The following KALRN variants were observed in gnomAD, a reference collection of about 807,000 sequenced individuals.
KALRN encodes the protein kalirin.
KALRN carries 70 observed loss-of-function variants against 353.7 expected under a neutral mutation model. The ratio of observed to expected loss-of-function variants is 0.20; its 90% CI spans 0.16 to 0.24. The LOEUF is 0.24. KALRN is among the 10% of genes least tolerant of loss of function. The probability of loss-of-function intolerance (pLI) is 1.00; values close to 1 mark genes in which losing one functional copy is unlikely to be tolerated. For synonymous variants in KALRN, 1,391 were observed against 1,434.8 expected, an observed-to-expected ratio of 0.97 and a Z score of 0.69; for missense variants, 2,791 against 3,756.7, an observed-to-expected ratio of 0.74 and a Z score of 6.72.
chr3:124,443,440 G>A (rs1398929446), intron 19 of KALRN, among the ~76,000 whole-genome samples: 2 of 152,192 alleles, frequency 1.3e-5, no homozygotes, highest in African/African-American at 4.8e-5. Context: ...CTCAAGAGTT[G>A]GAGAGAACAG....
In KALRN at chr3:124,697,701, A is replaced by G; in HGVS notation, c.7808A>G (p.Tyr2603Cys). ...ACAGGAAACTGCACTATTTCTGGTTACACTGTGGAGTACAGAGAGGAAGGT... is the reference window on the plus strand; with the variant it reads ...ACAGGAAACTGCACTATTTCTGGTTGCACTGTGGAGTACAGAGAGGAAGGT... ...SSTGNCTISG[Y>C]TVEYREEGSQ... is the part of the protein sequence containing the mutation. Residue 2603 changes from tyrosine to cysteine, a missense_variant, in exon 55 of 60, where the codon TAC (tyrosine) becomes TGC (cysteine). Physicochemically the swap from Tyr to Cys is radical, Grantham distance 194. Around this residue, in one of 11 missense-constraint regions of KALRN, gnomAD observed 1,065 missense variants for 1,156.4 expected, o/e 0.92. Transcript: ENST00000682506. The G allele has an allele frequency of 6.3e-7, 1 of 1,593,076 alleles. No individual in the cohort carries two copies. Among genetic ancestry groups the G allele is most frequent in the Non-Finnish European group, 8.6e-7 (1 of 1,169,022 alleles).
Position 124,300,335 on chromosome 3 carries a change from TG to T in KALRN, c.1092+1424del, listed in dbSNP as rs1351917329. On this transcript the variant is annotated intron_variant, in intron 6 of 59. Coordinates refer to ENST00000682506, the MANE Select transcript of KALRN (RefSeq NM_001388419.1). ...TTAACCAAGAACCTTAAAATGTCAG[TG>T]GTTGAAAACAACAGAGGTTTGTTTA... Among the ~76,000 whole-genome samples the T allele has an allele frequency of 2.0e-5, 3 of 152,172 alleles. No homozygotes were observed. The East Asian group carries it at 5.8e-4, about 29-fold the overall frequency.
chr3:124,386,869 A>T (rs1476151321), intron 11 of KALRN, among the ~76,000 whole-genome samples: 3 of 152,198 alleles, frequency 2.0e-5, no homozygotes, highest in Non-Finnish European at 4.4e-5. Flanking sequence ...CATCTCATGT[A>T]ACCTTCATGA....
At chr3:124,407,008 A>G (rs866759592) in intron 13 of KALRN, among the ~76,000 whole-genome samples, 4 of 151,376 alleles carry the variant, frequency 2.6e-5, no homozygotes, top group Non-Finnish European at 5.9e-5. Flanking sequence ...TAATTTTTGT[A>G]TTTTTAGTAG....
At position 124,699,894 on chromosome 3, in the gene KALRN, G is replaced by A. The variant is rs2062236576; in HGVS notation, c.7857G>A (p.Val2619=). ...EEGSQIWQQS[V]ASTLDTYLVI... The stretch of plus-strand genomic sequence containing the variant: ...GTTCTCAGATCTGGCAGCAGTCAGT[G>A]GCTTCGACCTTGGACACTTACCTCG... The change falls in exon 56 of 60, where the codon GTG becomes GTA. Residue 2619 remains valine, a synonymous_variant. Transcript: ENST00000682506. The A allele has an allele frequency of 1.9e-6, 3 of 1,614,226 alleles. No homozygotes were observed. The East Asian group carries it at 6.7e-5, about 36-fold the overall frequency.
At chr3:124,072,257 C>T (rs2060052976) in intron 1 of KALRN, among the ~76,000 whole-genome samples, 2 of 152,164 alleles carry the variant, frequency 1.3e-5, no homozygotes, top group South Asian at 4.2e-4. Context: ...CAGCTCAGTG[C>T]ATTCTTATTC....
intron 1 of KALRN, among the ~76,000 whole-genome samples, chr3:124,182,303 C>T (rs946536690): frequency 6.6e-6 from 1 of 152,176 alleles, no homozygotes; most frequent in Non-Finnish European, 1.5e-5. Context: ...TTCATGGTCT[C>T]TTAGGAGGCT....
chr3:124,055,350 C>T (rs2041432120), intron 1 of KALRN, among the ~76,000 whole-genome samples: 1 of 152,166 alleles, frequency 6.6e-6, no homozygotes, highest in Non-Finnish European at 1.5e-5. Context: ...GTTTCCTCTT[C>T]CCCGCTCCTG....
intron 1 of KALRN, among the ~76,000 whole-genome samples, chr3:124,208,227 AAAAT>A (rs2076589701): frequency 1.3e-5 from 2 of 152,192 alleles, no homozygotes; most frequent in Non-Finnish European, 2.9e-5. Context: ...AAAGGTCCCT[AAAAT>A]GGTAGGAAGG....
At chr3:124,549,029 C>T (rs758280055) in intron 33 of KALRN, among the ~76,000 whole-genome samples, 1 of 152,198 alleles carries the variant, frequency 6.6e-6, no homozygotes, top group Non-Finnish European at 1.5e-5. Flanking sequence ...GAATGAGGAA[C>T]TGAACTGAGT....
chr3:124,252,857 C>G (rs965338160), intron 3 of KALRN, among the ~76,000 whole-genome samples: 6 of 152,184 alleles, frequency 3.9e-5, no homozygotes, highest in Non-Finnish European at 8.8e-5. Context: ...TTCTGGATAC[C>G]CAGCCATCCA....
chr3:124,166,450 AATACTC>A (rs1334492842), intron 1 of KALRN, among the ~76,000 whole-genome samples: 3 of 152,206 alleles, frequency 2.0e-5, no homozygotes, highest in African/African-American at 7.2e-5. Context: ...TAGCTCAAAT[AATACTC>A]ATAAAAATTA....
intron 1 of KALRN, chr3:124,100,419 C>T (rs1239800752): frequency 6.6e-6 from 1 of 152,098 alleles, no homozygotes; most frequent in Non-Finnish European, 1.5e-5. Context: ...GGGAAAAGGA[C>T]ATCCTTTTCA....
chr3:124,265,298 C>CTTT lies in KALRN; in HGVS notation c.456+620_456+622dup, dbSNP rs3054177. ...CTAGTAACTAATTTAAGAAAATATT[C>CTTT]TTTTTTTTTTTTTTGAGATAGAGTC... On this transcript the variant is annotated intron_variant, in intron 4 of 59. Transcript: ENST00000682506. 1.1e-4 allele frequency among the ~76,000 whole-genome samples: 8 copies of CTTT among 73,122 alleles called. 1 individual carries two copies. Among genetic ancestry groups the CTTT allele is most frequent in the South Asian group, 5.0e-4 (1 of 2,008 alleles). The allele number at this position is 73,122 out of a possible 152,430, so 48.0% of individuals were successfully genotyped here.
intron 10 of KALRN, among the ~76,000 whole-genome samples, chr3:124,351,556 A>G (rs1326111064): frequency 6.6e-6 from 1 of 152,164 alleles, no homozygotes; most frequent in African/African-American, 2.4e-5. Context: ...TCTGCAAGGA[A>G]AAGCAAGCCC....
chr3:124,396,228 G>A (rs936875294), intron 12 of KALRN, among the ~76,000 whole-genome samples: 1 of 151,654 alleles, frequency 6.6e-6, no homozygotes, highest in Non-Finnish European at 1.5e-5. Context: ...TATCCCTAGG[G>A]CCTGAGGGAA....
chr3:124,575,178 C>G (rs1253971297), intron 34 of KALRN, among the ~76,000 whole-genome samples: 2 of 152,242 alleles, frequency 1.3e-5, no homozygotes, highest in African/African-American at 4.8e-5. Flanking sequence ...CTTGTTTTCT[C>G]CCCGTATCCA....
chr3:124,641,676 G>A (rs592017), intron 37 of KALRN, among the ~76,000 whole-genome samples: 35,674 of 152,050 alleles, frequency 0.23, 4,492 homozygotes, highest in East Asian at 0.47. Context: ...TGATAATCAA[G>A]CATCTACAAA....
chr3:124,674,327 T>C (rs1365327874), intron 48 of KALRN, 37 bp from the exon 49 acceptor site: 3 of 1,588,724 alleles, frequency 1.9e-6, no homozygotes, highest in African/African-American at 1.3e-5. Context: ...ACTAGCGTCC[T>C]TGTGTTTGTG....
Sources: allele counts gnomAD v4.1 joint callset (sites outside exome capture counted in the v4.1 genomes callset), GRCh38; gene constraint gnomAD v4.1.1; regional missense constraint gnomAD v4.1.1; transcripts MANE v1.5; gene names NCBI Gene and HGNC (gene_info 2026-07-23, HGNC 2026-07-21).